The following RDX variants were observed in gnomAD, a reference collection of about 807,000 sequenced individuals.
RDX encodes deafness, autosomal recessive 24.
A neutral mutation model predicts 83.7 loss-of-function variants in RDX; 32 were observed. The observed-to-expected ratio is 0.38, with a 90% CI of 0.29 to 0.51. The LOEUF is 0.51. RDX is among the 20% of genes least tolerant of loss of function. RDX has a pLI of 0.87. For synonymous variants in RDX, 229 were observed against 222.7 expected, an observed-to-expected ratio of 1.03 and a Z score of -0.25; for missense variants, 600 against 689.9, an observed-to-expected ratio of 0.87 and a Z score of 1.46.
chr11:110,215,318 G>A (rs1024784556), intron 14 of RDX, among the ~76,000 whole-genome samples: 13 of 149,898 alleles, frequency 8.7e-5, no homozygotes, highest in Admixed American at 4.7e-4. Flanking sequence ...AGCTGAGATC[G>A]TGCCACTGAA....
At chr11:110,295,859 T>A (rs1861433430) in intron 1 of RDX, among the ~76,000 whole-genome samples, 1 of 152,194 alleles carries the variant, frequency 6.6e-6, no homozygotes, top group South Asian at 2.1e-4. Flanking sequence ...ACCGCGGCCC[T>A]GGCCTGGCGG....
chr11:110,258,418 G>C lies in RDX; in HGVS notation c.468-229C>G, dbSNP rs572974821. On this transcript the variant is annotated intron_variant, in intron 5 of 13. Transcript: ENST00000645495. ...TTGTACCAATGTCAATATCTTGTTT[G>C]TAATATTGTACTGTAGTTACACAAG... Among the ~76,000 whole-genome samples, 13 of 152,246 alleles carry C rather than the reference G, an allele frequency of 8.5e-5. No homozygotes were observed. The East Asian group carries it at 2.5e-3, about 29-fold the overall frequency.
chr11:110,232,075 G>T, intron 13 of RDX, 42 bp from the exon 14 acceptor site: 1 of 1,495,016 alleles, frequency 6.7e-7, no homozygotes, highest in Non-Finnish European at 9.2e-7. Flanking sequence ...TTTTTTCTTA[G>T]ATTTAAAAAA....
At chr11:110,265,109 G>GTTTTTTT (rs71053876) in intron 3 of RDX, among the ~76,000 whole-genome samples, 40 of 90,674 alleles carry the variant, frequency 4.4e-4, no homozygotes, top group Non-Finnish European at 6.5e-4. Flanking sequence ...TTTTTTTTTT[G>GTTTTTTT]TTTTTTTTTT....
chr11:110,288,187 A>C (rs1170881477), intron 1 of RDX: 2 of 152,244 alleles, frequency 1.3e-5, no homozygotes, highest in Non-Finnish European at 2.9e-5. Flanking sequence ...ACGTTTGAGT[A>C]ATATACATGT....
chr11:110,273,328 A>G (rs925206351), intron 2 of RDX, among the ~76,000 whole-genome samples: 1 of 152,252 alleles, frequency 6.6e-6, no homozygotes, highest in Non-Finnish European at 1.5e-5. Flanking sequence ...ATCAGATTTC[A>G]TTTTATTCAT....
At chr11:110,252,249 A>G (rs1290520360) in intron 9 of RDX, among the ~76,000 whole-genome samples, 2 of 152,212 alleles carry the variant, frequency 1.3e-5, no homozygotes, top group Non-Finnish European at 2.9e-5. Flanking sequence ...TATTGTGCCA[A>G]AAAAGAAACT....
chr11:110,244,545 A>T (rs1172835472), intron 10 of RDX, among the ~76,000 whole-genome samples: 2 of 152,132 alleles, frequency 1.3e-5, no homozygotes, highest in African/African-American at 2.4e-5. Flanking sequence ...GTGGTTGTCT[A>T]CAGCAGAGAG....
chr11:110,251,406 C>T (rs990382602), intron 9 of RDX, among the ~76,000 whole-genome samples: 30 of 152,046 alleles, frequency 2.0e-4, no homozygotes, highest in African/African-American at 7.2e-4. Context: ...GGGTACTTTG[C>T]TAAATGCCTG....
intron 10 of RDX, among the ~76,000 whole-genome samples, chr11:110,240,138 A>G (rs1865024814): frequency 6.6e-6 from 1 of 152,220 alleles, no homozygotes; most frequent in Non-Finnish European, 1.5e-5. Flanking sequence ...ACAATGGCCA[A>G]AACATGAAGT....
intron 13 of RDX, 116 bp downstream of exon 13, chr11:110,233,121 C>T: frequency 1.5e-6 from 2 of 1,297,916 alleles, no homozygotes; most frequent in African/African-American, 1.5e-5. Context: ...ACCCACAAAC[C>T]AATCACAAGG....
chr11:110,189,600 G>A (rs920647856), intron 15 of RDX, among the ~76,000 whole-genome samples: 2 of 152,042 alleles, frequency 1.3e-5, no homozygotes, highest in Non-Finnish European at 2.9e-5. Context: ...TTGACCACAC[G>A]CTCAGCCAAA....
chr11:110,272,802 T>C (rs916921389), intron 2 of RDX, 183 bp from the exon 3 acceptor site: 1 of 585,660 alleles, frequency 1.7e-6, no homozygotes, highest in East Asian at 3.1e-5. Context: ...ACTTAACATA[T>C]ACTGGGCACT....
At chr11:110,272,421 T>A (rs1302130312) in intron 3 of RDX, 115 bp downstream of exon 3, 1 of 735,932 alleles carries the variant, frequency 1.4e-6, no homozygotes, top group Non-Finnish European at 2.4e-6. Flanking sequence ...CTATGAAAAA[T>A]TCCAAGTGGT....
At chr11:110,288,625 T>C (rs1001677003) in intron 1 of RDX, among the ~76,000 whole-genome samples, 1 of 152,202 alleles carries the variant, frequency 6.6e-6, no homozygotes, top group African/African-American at 2.4e-5. Context: ...TTCTTAAATG[T>C]CTTTATAATT....
chr11:110,231,749 A>G lies in RDX; in HGVS notation c.*120T>C. Reference sequence around the variant, plus strand: ...CCCTTAAATTTGTCTTTTAGCTAGCACAGTCAAACTGGTGTAAGTGCTTTG... The same window carrying G: ...CCCTTAAATTTGTCTTTTAGCTAGCGCAGTCAAACTGGTGTAAGTGCTTTG... On this transcript the variant is annotated 3_prime_UTR_variant, in exon 14 of 14. Transcript: ENST00000645495. 1.9e-6 allele frequency: 2 copies of G among 1,068,518 alleles called. No individual in the cohort carries two copies. 66.2% of individuals were successfully genotyped at this position (1,068,518 alleles called of 1,614,324 possible). A position where few individuals can be genotyped will look rare whatever the true frequency, so the allele number is the denominator to read the frequency against.
At chr11:110,216,433 C>T (rs1369319463) in intron 14 of RDX, among the ~76,000 whole-genome samples, 13 of 151,238 alleles carry the variant, frequency 8.6e-5, no homozygotes, top group Non-Finnish European at 1.3e-4. Flanking sequence ...AGTGCAGTGG[C>T]GCAAACACAG....
intron 14 of RDX, among the ~76,000 whole-genome samples, chr11:110,222,981 T>C (rs1864303055): frequency 6.6e-6 from 1 of 152,212 alleles, no homozygotes; most frequent in African/African-American, 2.4e-5. Context: ...ATTAATGGGA[T>C]TAAAAAGTAA....
At chr11:110,282,839 T>C (rs1418655408) in intron 1 of RDX, among the ~76,000 whole-genome samples, 4 of 152,028 alleles carry the variant, frequency 2.6e-5, no homozygotes, top group African/African-American at 9.7e-5. Context: ...AAACCAGGCA[T>C]AGTAGAGTGC....
Sources: allele counts gnomAD v4.1 joint callset (sites outside exome capture counted in the v4.1 genomes callset), GRCh38; gene constraint gnomAD v4.1.1; transcripts MANE v1.5; gene names NCBI Gene and HGNC (gene_info 2026-07-23, HGNC 2026-07-21).